Variants in RUNDC3B observed in about 807,000 individuals in gnomAD.
The protein encoded by RUNDC3B is RUN domain-containing protein 3B.
In RUNDC3B, 33 loss-of-function variants were observed where a neutral mutation model predicts 58.4. The ratio of observed to expected loss-of-function variants is 0.56; its 90% CI spans 0.43 to 0.75. RUNDC3B has a LOEUF of 0.75. Among genes scored for constraint, RUNDC3B ranks in the 30% least tolerant of loss-of-function variants. The pLI, the probability that RUNDC3B is intolerant of heterozygous loss-of-function variation, is 0.00. For missense variants in RUNDC3B, 501 were observed against 535.7 expected (o/e 0.94, Z 0.64); for synonymous variants, 193 against 195.2 (o/e 0.99, Z 0.10).
intron 2 of RUNDC3B, among the ~76,000 whole-genome samples, chr7:87,668,323 A>G (rs1378492073): frequency 6.6e-6 from 1 of 151,982 alleles, no homozygotes; most frequent in Non-Finnish European, 1.5e-5. Context: ...CTGTGGGGTC[A>G]GTAGTAACAT....
intron 4 of RUNDC3B, among the ~76,000 whole-genome samples, chr7:87,717,012 C>T (rs1225387931): frequency 6.6e-6 from 1 of 152,134 alleles, no homozygotes; most frequent in Admixed American, 6.6e-5. Context: ...TTGCCCAGGG[C>T]AGTTTGTAAC....
intron 4 of RUNDC3B, among the ~76,000 whole-genome samples, chr7:87,739,518 T>TG (rs1163271784): frequency 6.6e-6 from 1 of 152,002 alleles, no homozygotes; most frequent in African/African-American, 2.4e-5. Flanking sequence ...AAGACTCACT[T>TG]GGGGGTTTCT....
intron 2 of RUNDC3B, among the ~76,000 whole-genome samples, chr7:87,656,240 GT>G (rs2130415528): frequency 6.6e-6 from 1 of 151,908 alleles, no homozygotes; most frequent in Non-Finnish European, 1.5e-5. Context: ...TATACAATTT[GT>G]ATTTGTCAAT....
intron 2 of RUNDC3B, among the ~76,000 whole-genome samples, chr7:87,676,190 A>G (rs1265424470): frequency 1.3e-5 from 2 of 152,096 alleles, no homozygotes; most frequent in Non-Finnish European, 1.5e-5. Context: ...CCTCATCACT[A>G]TATTCCAGGC....
intron 1 of RUNDC3B, among the ~76,000 whole-genome samples, chr7:87,646,749 A>G (rs1823041031): frequency 2.1e-5 from 3 of 142,766 alleles, no homozygotes; most frequent in Admixed American, 2.1e-4. Flanking sequence ...AGGGATTGGC[A>G]GCATTATTCT....
rs1584194091 is a variant in RUNDC3B at position 87,782,230 on chromosome 7, T to G, written c.956+4275T>G. ...GTGTGTTTCCGGCAACTTATCAATT[T>G]CCTCTAGATTTTCTAGTTTGTGTGC... On this transcript the variant is annotated intron_variant, in intron 8 of 10. Transcript: ENST00000394654. 2.6e-5 allele frequency among the ~76,000 whole-genome samples: 4 copies of G among 152,180 alleles called. No homozygotes were observed. The South Asian group carries it at 8.3e-4, about 32-fold the overall frequency.
chr7:87,704,194 T>C (rs552907776), intron 3 of RUNDC3B, among the ~76,000 whole-genome samples: 1 of 152,148 alleles, frequency 6.6e-6, no homozygotes, highest in Non-Finnish European at 1.5e-5. Flanking sequence ...GTGCTGGGAT[T>C]ATAGGCATGA....
intron 4 of RUNDC3B, among the ~76,000 whole-genome samples, chr7:87,732,502 G>A (rs1831643435): frequency 6.6e-6 from 1 of 152,152 alleles, no homozygotes; most frequent in Admixed American, 6.5e-5. Flanking sequence ...CTGAGCCAAG[G>A]AACAAAGAAG....
At chr7:87,676,174 C>G (rs1826335462) in intron 2 of RUNDC3B, among the ~76,000 whole-genome samples, 1 of 152,114 alleles carries the variant, frequency 6.6e-6, no homozygotes, top group African/African-American at 2.4e-5. Flanking sequence ...CTTCAGTGAG[C>G]TATCACCTCA....
intron 4 of RUNDC3B, among the ~76,000 whole-genome samples, chr7:87,718,625 C>T (rs13307893): frequency 1.3e-5 from 2 of 152,028 alleles, no homozygotes; most frequent in African/African-American, 4.8e-5. Context: ...TTTTCCTCTA[C>T]AGAAGATGGA....
chr7:87,765,159 A>G (rs1347750409), intron 6 of RUNDC3B, among the ~76,000 whole-genome samples: 1 of 151,724 alleles, frequency 6.6e-6, no homozygotes, highest in Non-Finnish European at 1.5e-5. Context: ...GTTATTTCTG[A>G]TTGTGCTTAT....
chr7:87,786,541 A>G (rs567930861), intron 8 of RUNDC3B, among the ~76,000 whole-genome samples: 3 of 152,148 alleles, frequency 2.0e-5, no homozygotes, highest in Non-Finnish European at 2.9e-5. Context: ...AGAGCCAAAC[A>G]GTAGAGATTT....
chr7:87,811,444 C>T (rs1376937698), intron 9 of RUNDC3B, among the ~76,000 whole-genome samples: 1 of 152,004 alleles, frequency 6.6e-6, no homozygotes, highest in Non-Finnish European at 1.5e-5. Flanking sequence ...AGTGATTCTC[C>T]TGCCTCAGCC....
At chr7:87,727,168 T>G (rs1265383253) in intron 4 of RUNDC3B, among the ~76,000 whole-genome samples, 1 of 152,190 alleles carries the variant, frequency 6.6e-6, no homozygotes, top group Non-Finnish European at 1.5e-5. Flanking sequence ...CTTGTGCCAG[T>G]TTTCAAAGGG....
intron 9 of RUNDC3B, among the ~76,000 whole-genome samples, chr7:87,812,435 C>T (rs1341768025): frequency 6.6e-6 from 1 of 151,998 alleles, no homozygotes; most frequent in Non-Finnish European, 1.5e-5. Flanking sequence ...ATGGTGAAAC[C>T]GCATCTCCAC....
At chr7:87,770,351 A>G (rs1423674498) in intron 6 of RUNDC3B, among the ~76,000 whole-genome samples, 1 of 152,076 alleles carries the variant, frequency 6.6e-6, no homozygotes, top group Non-Finnish European at 1.5e-5. Flanking sequence ...CTGTAAACCC[A>G]CTTGAACTTC....
chr7:87,779,316 T>G (rs1834811889), intron 8 of RUNDC3B, among the ~76,000 whole-genome samples: 1 of 152,192 alleles, frequency 6.6e-6, no homozygotes, highest in Non-Finnish European at 1.5e-5. Flanking sequence ...CAGTTTTCAG[T>G]CTTTTTCTTG....
chr7:87,629,910 G>A (rs1821030781), intron 1 of RUNDC3B, among the ~76,000 whole-genome samples: 1 of 148,048 alleles, frequency 6.8e-6, no homozygotes, highest in Non-Finnish European at 1.5e-5. Context: ...ACCACAGGGG[G>A]AGACTTCGTC....
At chr7:87,742,791 A>G (rs1329599187) in intron 6 of RUNDC3B, among the ~76,000 whole-genome samples, 1 of 152,114 alleles carries the variant, frequency 6.6e-6, no homozygotes, top group Non-Finnish European at 1.5e-5. Flanking sequence ...TTTCCCTCTC[A>G]TCCCCAGGGT....
Sources: allele counts gnomAD v4.1 joint callset (sites outside exome capture counted in the v4.1 genomes callset), GRCh38; gene constraint gnomAD v4.1.1; transcripts MANE v1.5; gene names NCBI Gene and HGNC (gene_info 2026-07-23, HGNC 2026-07-21).